Variants in OSBPL9 observed in about 807,000 individuals in gnomAD.
The protein encoded by OSBPL9 is oxysterol binding protein like 9, also known as oxysterol-binding protein-related protein 9.
A neutral mutation model predicts 106.6 loss-of-function variants in OSBPL9; 40 were observed. That is an observed-to-expected ratio of 0.38 (90% CI 0.29 to 0.49). The LOEUF (loss-of-function observed/expected upper bound fraction) is 0.49, where lower values mean the gene tolerates loss of function less well. Among genes scored for constraint, OSBPL9 ranks in the 20% least tolerant of loss-of-function variants. The probability of loss-of-function intolerance (pLI) is 0.97; values close to 1 mark genes in which losing one functional copy is unlikely to be tolerated. For missense variants in OSBPL9, 609 were observed against 887.2 expected (o/e 0.69, Z 3.98); for synonymous variants, 269 against 295.4 (o/e 0.91, Z 0.92).
At position 51,765,974 on chromosome 1, in the gene OSBPL9, T is replaced by C; in HGVS notation, c.931T>C (p.Leu311=). 1 of 1,609,780 alleles carries C rather than the reference T, an allele frequency of 6.2e-7. No homozygotes were observed. The highest frequency in any genetic ancestry group is 8.5e-7 in the Non-Finnish European group (1 of 1,178,292). Reference sequence around the variant, plus strand: ...TCAAAGTGGCTCATCCCCAAAGCGCTTAATAGAGTGAGTAGATGAACAGAA... The same window carrying C: ...TCAAAGTGGCTCATCCCCAAAGCGCCTAATAGAGTGAGTAGATGAACAGAA... ...FHQSGSSPKR[L]IDSSGSASVL... is the part of the protein sequence containing the mutation. Residue 311 remains leucine, a synonymous_variant, in exon 12 of 24, where the codon TTA becomes CTA. Coordinates refer to ENST00000428468, the MANE Select transcript of OSBPL9 (RefSeq NM_024586.6).
chr1:51,680,547 G>A (rs886490409), intron 3 of OSBPL9, among the ~76,000 whole-genome samples: 1 of 151,746 alleles, frequency 6.6e-6, no homozygotes, highest in African/African-American at 2.4e-5. Context: ...TGTAGTCCCA[G>A]CTACTAGGGA....
At chr1:51,552,690 T>C in the OSBPL9 span, among the ~76,000 whole-genome samples, 84 of 152,212 alleles carry the variant, frequency 5.5e-4, no homozygotes, top group African/African-American at 2.0e-3. Context: ...AGTGGTCCAA[T>C]CTCAGCTCAC....
At chr1:51,550,134 T>G in the OSBPL9 span, among the ~76,000 whole-genome samples, 2 of 152,184 alleles carry the variant, frequency 1.3e-5, no homozygotes, top group African/African-American at 4.8e-5. Flanking sequence ...ATCTGTAAAA[T>G]GAAGATAAGA....
chr1:51,608,996 T>C (rs1218348343), intron 2 of OSBPL9, among the ~76,000 whole-genome samples: 1 of 152,186 alleles, frequency 6.6e-6, no homozygotes, highest in Non-Finnish European at 1.5e-5. Context: ...CCTCTTGCCT[T>C]TTACACTTCA....
intron 15 of OSBPL9, among the ~76,000 whole-genome samples, chr1:51,777,293 G>T (rs1675296792): frequency 6.6e-6 from 1 of 152,150 alleles, no homozygotes; most frequent in Admixed American, 6.5e-5. Flanking sequence ...TGTTTGCTAG[G>T]CACTTTCTTA....
At chr1:51,529,314 A>G in the OSBPL9 span, among the ~76,000 whole-genome samples, 2 of 151,292 alleles carry the variant, frequency 1.3e-5, no homozygotes, top group Non-Finnish European at 2.9e-5. Flanking sequence ...ATCTCGGTTC[A>G]CTGCAAGCTC....
At chr1:51,528,100 G>T in the OSBPL9 span, among the ~76,000 whole-genome samples, 1 of 151,966 alleles carries the variant, frequency 6.6e-6, no homozygotes, top group East Asian at 1.9e-4. Flanking sequence ...CTCTAGCCTG[G>T]GGGTGACAGA....
intron 1 of OSBPL9, among the ~76,000 whole-genome samples, chr1:51,636,468 G>A (rs1418064062): frequency 6.6e-6 from 1 of 151,776 alleles, no homozygotes; most frequent in Non-Finnish European, 1.5e-5. Flanking sequence ...CTCCCAAGTA[G>A]CTGGGACTAC....
intron 3 of OSBPL9, among the ~76,000 whole-genome samples, chr1:51,689,585 G>A (rs1654547581): frequency 6.6e-6 from 1 of 151,834 alleles, no homozygotes; most frequent in Admixed American, 6.6e-5. Context: ...TTTACATTTT[G>A]GCTTTCCCTG....
chr1:51,757,391 G>A lies in OSBPL9; in HGVS notation c.582+1033G>A, dbSNP rs535936764. ...TAATATCTCTTCATGAGATACTATCGAAGATTGTTAGCCTCATAGGAAAGG... is the reference window on the plus strand; with the variant it reads ...TAATATCTCTTCATGAGATACTATCAAAGATTGTTAGCCTCATAGGAAAGG... On this transcript the variant is annotated intron_variant, in intron 9 of 23. Coordinates refer to ENST00000428468, the MANE Select transcript of OSBPL9 (RefSeq NM_024586.6). Among the ~76,000 whole-genome samples the A allele has an allele frequency of 8.0e-4, 121 of 151,844 alleles. 1 individual carries two copies. Among genetic ancestry groups the A allele is most frequent in the Non-Finnish European group, 1.4e-3 (94 of 67,888 alleles).
At chr1:51,757,936 C>T (rs1023549845) in intron 9 of OSBPL9, among the ~76,000 whole-genome samples, 1 of 152,084 alleles carries the variant, frequency 6.6e-6, no homozygotes, top group African/African-American at 2.4e-5. Flanking sequence ...ATGTGCAATA[C>T]ATTGTATTAC....
At chr1:51,669,885 G>C in intron 3 of OSBPL9, 1 of 455,284 alleles carries the variant, frequency 2.2e-6, no homozygotes, top group Non-Finnish European at 4.4e-6. Context: ...GATTGTGAAG[G>C]TTGCAGTGTT....
upstream of OSBPL9, chr1:51,573,974 C>G (rs569588667): frequency 1.3e-5 from 2 of 152,202 alleles, no homozygotes; most frequent in East Asian, 3.9e-4. Context: ...TTCTTTGTCT[C>G]CATAAAATTA....
At chr1:51,636,182 A>G (rs1645435470) in intron 1 of OSBPL9, among the ~76,000 whole-genome samples, 1 of 106,188 alleles carries the variant, frequency 9.4e-6, no homozygotes, top group South Asian at 2.8e-4. Flanking sequence ...TTTTTTTGAG[A>G]CAGGGTCTTG....
chr1:51,571,127 T>C, the OSBPL9 span, among the ~76,000 whole-genome samples: 1 of 152,218 alleles, frequency 6.6e-6, no homozygotes, highest in African/African-American at 2.4e-5. Context: ...GGTCACACTA[T>C]GTTGAAACTA....
chr1:51,532,494 GA>G, the OSBPL9 span, among the ~76,000 whole-genome samples: 2 of 152,086 alleles, frequency 1.3e-5, no homozygotes, highest in Non-Finnish European at 2.9e-5. Context: ...TGAAAAGTTT[GA>G]AAAAAGTTAC....
chr1:51,543,706 G>A, the OSBPL9 span, among the ~76,000 whole-genome samples: 1 of 152,144 alleles, frequency 6.6e-6, no homozygotes, highest in Non-Finnish European at 1.5e-5. Flanking sequence ...CAACTTTGAG[G>A]CTCAGAGAGT....
In OSBPL9 at chr1:51,728,886, C is replaced by T. The variant is rs187632041; in HGVS notation, c.318+14807C>T. On this transcript the variant is annotated intron_variant, in intron 4 of 23. Coordinates refer to ENST00000428468, the MANE Select transcript of OSBPL9 (RefSeq NM_024586.6). Reference sequence around the variant, plus strand: ...GTCTTGCAGTGGGTACCAGTAGAGACATAAAAGTACAAAAGATAATTGGAC... The same window carrying T: ...GTCTTGCAGTGGGTACCAGTAGAGATATAAAAGTACAAAAGATAATTGGAC... 1.1e-3 allele frequency among the ~76,000 whole-genome samples: 162 copies of T among 152,112 alleles called. 1 individual carries two copies. The highest frequency in any genetic ancestry group is 3.8e-3 in the African/African-American group (157 of 41,486).
chr1:51,687,941 T>C (rs947105905), intron 3 of OSBPL9, among the ~76,000 whole-genome samples: 9 of 152,202 alleles, frequency 5.9e-5, no homozygotes, highest in Admixed American at 5.2e-4. Flanking sequence ...GCAGAGGCTC[T>C]GGTGAGAGAT....
Sources: allele counts gnomAD v4.1 joint callset (sites outside exome capture counted in the v4.1 genomes callset), GRCh38; gene constraint gnomAD v4.1.1; transcripts MANE v1.5; gene names NCBI Gene and HGNC (gene_info 2026-07-23, HGNC 2026-07-21).